Variants in BCO2 observed in about 807,000 individuals in gnomAD.
The protein encoded by BCO2 is beta-carotene oxygenase 2.
In BCO2, 56 loss-of-function variants were observed where a neutral mutation model predicts 65.8. That is an observed-to-expected ratio of 0.85 (90% CI 0.69 to 1.06). The LOEUF is 1.06. BCO2 is among the 50% of genes least tolerant of loss of function. The probability of loss-of-function intolerance (pLI) is 0.00; values close to 1 mark genes in which losing one functional copy is unlikely to be tolerated. For synonymous variants in BCO2, 233 were observed against 242.3 expected (o/e 0.96, Z 0.36); for missense variants, 675 against 698.5 (o/e 0.97, Z 0.38).
chr11:112,213,890 A>T lies in BCO2; in HGVS notation c.1332+29A>T, dbSNP rs1211177552. 7 of 1,449,546 alleles carry T rather than the reference A, an allele frequency of 4.8e-6. 1 individual carries two copies. The African/African-American group carries it at 9.8e-5, about 20-fold the overall frequency. 89.8% of individuals were successfully genotyped at this position (1,449,546 alleles called of 1,614,324 possible). A position where few individuals can be genotyped will look rare whatever the true frequency, so the allele number is the denominator to read the frequency against. On this transcript the variant is annotated intron_variant, in intron 9 of 11. Transcript: ENST00000357685. Reference sequence around the variant, plus strand: ...TGCTATGAACAGACATTAGACTAAGACTTTGAACTTTAATGGTGTTACTTT... The same window carrying T: ...TGCTATGAACAGACATTAGACTAAGTCTTTGAACTTTAATGGTGTTACTTT...
intron 3 of BCO2, 87 bp downstream of exon 3, chr11:112,193,784 A>G (rs532806786): frequency 6.6e-7 from 1 of 1,520,080 alleles, no homozygotes; most frequent in South Asian, 1.1e-5. Flanking sequence ...TGTGTATGTG[A>G]GAGGATGTTG....
In BCO2 at chr11:112,200,603, A is replaced by C; in HGVS notation, c.866-10A>C. On this transcript the variant is annotated splice_polypyrimidine_tract_variant and intron_variant, in intron 6 of 11. Coordinates refer to ENST00000357685, the MANE Select transcript of BCO2 (RefSeq NM_031938.7). ...AAATAACATTTTTATTGTTTGCTGG[A>C]ACCTTTTAGGAATGACAAGGAACTA... is the stretch of plus-strand genomic sequence containing the variant. 1 of 1,591,946 alleles carries C rather than the reference A, an allele frequency of 6.3e-7. No individual in the cohort carries two copies. Among genetic ancestry groups the C allele is most frequent in the Non-Finnish European group, 8.5e-7 (1 of 1,172,272 alleles).
intron 2 of BCO2, among the ~76,000 whole-genome samples, chr11:112,191,811 A>G (rs1480795763): frequency 6.6e-6 from 1 of 152,162 alleles, no homozygotes; most frequent in Non-Finnish European, 1.5e-5. Flanking sequence ...CCAGAAGTAA[A>G]CCCAGGAACT....
chr11:112,180,750 C>T (rs1426188413), intron 2 of BCO2: 1 of 887,390 alleles, frequency 1.1e-6, no homozygotes, highest in African/African-American at 1.6e-5. Flanking sequence ...GTGGCCCACT[C>T]AGGACCCAGT....
At chr11:112,215,082 G>A in intron 10 of BCO2, 138 bp downstream of exon 10, 2 of 826,900 alleles carry the variant, frequency 2.4e-6, no homozygotes, top group Non-Finnish European at 3.8e-6. Flanking sequence ...TGAGAACTAT[G>A]AAATCATCTA....
intron 2 of BCO2, 91 bp from the exon 3 acceptor site, chr11:112,193,383 C>G (rs1431737749): frequency 2.5e-6 from 3 of 1,202,874 alleles, no homozygotes; most frequent in African/African-American, 3.0e-5. Flanking sequence ...ATTTCCTTAT[C>G]TTTATATTTG....
intron 2 of BCO2, among the ~76,000 whole-genome samples, chr11:112,186,624 G>A (rs1566772055): frequency 2.0e-5 from 3 of 152,190 alleles, no homozygotes; most frequent in South Asian, 4.1e-4. Flanking sequence ...CAGACACAGT[G>A]ATGACATGCC....
At chr11:112,216,125 A>G (rs1447144020) in intron 10 of BCO2, 95 bp from the exon 11 acceptor site, 6 of 831,290 alleles carry the variant, frequency 7.2e-6, no homozygotes, top group Non-Finnish European at 1.2e-5. Context: ...TCCAAACTAC[A>G]TCACAGCCAA....
chr11:112,190,150 G>A (rs1867331071), intron 2 of BCO2, among the ~76,000 whole-genome samples: 2 of 152,054 alleles, frequency 1.3e-5, no homozygotes, highest in East Asian at 3.9e-4. Context: ...GCCAAGTGTG[G>A]GGGCGTGTCC....
chr11:112,196,107 T>C (rs1190048498), intron 5 of BCO2, among the ~76,000 whole-genome samples: 1 of 152,256 alleles, frequency 6.6e-6, no homozygotes, highest in East Asian at 1.9e-4. Context: ...CCTGGGTGTC[T>C]GTTTGTCTTA....
intron 10 of BCO2, 180 bp downstream of exon 10, chr11:112,215,124 A>G (rs1157073404): frequency 9.7e-6 from 6 of 615,758 alleles, no homozygotes; most frequent in Non-Finnish European, 1.7e-5. Flanking sequence ...AGGGAATCCA[A>G]ATTGACCCCA....
rs35527541 is a variant in BCO2, at chr11:112,213,131, C to CTTTTTTTTTT, written c.1195-573_1195-564dup. 3.0e-4 allele frequency among the ~76,000 whole-genome samples: 19 copies of CTTTTTTTTTT among 63,114 alleles called. 3 individuals are homozygous for CTTTTTTTTTT. The highest frequency in any genetic ancestry group is 1.0e-3 in the African/African-American group (14 of 13,376). The allele number at this position is 63,114 out of a possible 152,430, so 41.4% of individuals were successfully genotyped here. On this transcript the variant is annotated intron_variant, in intron 8 of 11. Transcript: ENST00000357685. ...TGTTTATTTGATGCTAATTAAATAA[C>CTTTTTTTTTT]TTTTTTTTTTTTTTTTTTTTTTTTT...
intron 10 of BCO2, chr11:112,215,176 TGG>T (rs1457794275): frequency 1.9e-6 from 1 of 521,592 alleles, no homozygotes; most frequent in Non-Finnish European, 3.4e-6. Context: ...GATGTTATTT[TGG>T]GAGCAATTGT....
chr11:112,192,978 C>T (rs1033775803), intron 2 of BCO2, among the ~76,000 whole-genome samples: 96 of 74,760 alleles, frequency 1.3e-3, no homozygotes, highest in African/African-American at 3.0e-3. Context: ...GTAAATTATT[C>T]TTTTTTTTTT....
chr11:112,186,584 G>T (rs1867206356), intron 2 of BCO2, among the ~76,000 whole-genome samples: 1 of 152,210 alleles, frequency 6.6e-6, no homozygotes, highest in South Asian at 2.1e-4. Context: ...CACTCTGTTA[G>T]ATGCCATTTA....
At chr11:112,207,044 T>G (rs1268532469) in intron 8 of BCO2, among the ~76,000 whole-genome samples, 3 of 152,258 alleles carry the variant, frequency 2.0e-5, no homozygotes, top group African/African-American at 7.2e-5. Flanking sequence ...GAGATCTTGC[T>G]AAATTCACTT....
At chr11:112,181,403 G>A (rs1455166240) in intron 2 of BCO2, 8 of 570,116 alleles carry the variant, frequency 1.4e-5, no homozygotes, top group African/African-American at 1.9e-5. Context: ...GGATGGTCTC[G>A]ATCTCCTGAC....
At chr11:112,213,176 T>A (rs1859561064) in intron 8 of BCO2, among the ~76,000 whole-genome samples, 1 of 135,646 alleles carries the variant, frequency 7.4e-6, no homozygotes, top group Non-Finnish European at 1.6e-5. Flanking sequence ...GGAGTTTCAC[T>A]CTTGTTGCCC....
At chr11:112,188,685 G>A (rs1867277255) in intron 2 of BCO2, among the ~76,000 whole-genome samples, 1 of 151,642 alleles carries the variant, frequency 6.6e-6, no homozygotes, top group South Asian at 2.1e-4. Flanking sequence ...CCAGCCAAAT[G>A]TCTCCTTCCC....
Sources: allele counts gnomAD v4.1 joint callset (sites outside exome capture counted in the v4.1 genomes callset), GRCh38; gene constraint gnomAD v4.1.1; transcripts MANE v1.5; gene names NCBI Gene and HGNC (gene_info 2026-07-23, HGNC 2026-07-21).